FAM135B: variants seen among roughly 807,000 people sequenced by gnomAD.
FAM135B encodes protein FAM135B.
A neutral mutation model predicts 127.7 loss-of-function variants in FAM135B; 43 were observed. That is an observed-to-expected ratio of 0.34 (90% CI 0.26 to 0.43). The LOEUF (loss-of-function observed/expected upper bound fraction) is 0.43. Ranked by LOEUF, FAM135B falls within the 20% of genes least tolerant of loss-of-function variation. The pLI, the probability that FAM135B is intolerant of heterozygous loss-of-function variation, is 1.00. For synonymous variants in FAM135B, 670 were observed against 665.1 expected, an observed-to-expected ratio of 1.01 and a Z score of -0.11; for missense variants, 1,558 against 1,725.6, an observed-to-expected ratio of 0.90 and a Z score of 1.72.
intron 2 of FAM135B, among the ~76,000 whole-genome samples, chr8:138,334,457 T>C (rs1046852671): frequency 6.6e-6 from 1 of 152,204 alleles, no homozygotes; most frequent in Non-Finnish European, 1.5e-5. Flanking sequence ...ACTTGTATCA[T>C]GGGGATTTGT....
chr8:138,470,323 T>C lies in FAM135B; in HGVS notation c.-20+26348A>G, dbSNP rs145250082. ...GGTATAAAAACCATATACACCCATATACACAGACATAGATATTATATTCTC... is the reference window on the plus strand; with the variant it reads ...GGTATAAAAACCATATACACCCATACACACAGACATAGATATTATATTCTC... On this transcript the variant is annotated intron_variant, in intron 1 of 19. Transcript: ENST00000395297. Among the ~76,000 whole-genome samples, 21 of 152,314 alleles carry C rather than the reference T, an allele frequency of 1.4e-4. No individual in the cohort carries two copies. In the East Asian group the frequency reaches 4.1e-3, roughly 29 times the overall value.
chr8:138,248,832 A>AAAAAC (rs1301228874), intron 6 of FAM135B, among the ~76,000 whole-genome samples: 1 of 151,812 alleles, frequency 6.6e-6, no homozygotes, highest in Non-Finnish European at 1.5e-5. Flanking sequence ...TCAAAAAAAA[A>AAAAAC]AAAACAATAA....
chr8:138,291,383 G>T (rs1300457307), intron 3 of FAM135B, among the ~76,000 whole-genome samples: 2 of 151,988 alleles, frequency 1.3e-5, no homozygotes, highest in African/African-American at 4.8e-5. Flanking sequence ...AATGAATTTC[G>T]ATCCTTCTCA....
At chr8:138,247,645 C>T (rs1586878804) in intron 6 of FAM135B, among the ~76,000 whole-genome samples, 1 of 152,120 alleles carries the variant, frequency 6.6e-6, no homozygotes, top group Non-Finnish European at 1.5e-5. Context: ...TACACTTGCT[C>T]TCTGCCCTTT....
chr8:138,216,026 A>G (rs1818515767), intron 7 of FAM135B, among the ~76,000 whole-genome samples: 1 of 152,184 alleles, frequency 6.6e-6, no homozygotes, highest in Admixed American at 6.5e-5. Context: ...ATACCAGAAC[A>G]AACTATGTTA....
At chr8:138,395,773 A>G (rs1191461138) in intron 1 of FAM135B, among the ~76,000 whole-genome samples, 4 of 152,218 alleles carry the variant, frequency 2.6e-5, no homozygotes, top group Admixed American at 2.6e-4. Flanking sequence ...CAACTTCTCC[A>G]CTACTTAACA....
At chr8:138,383,141 G>T (rs116919405) in intron 1 of FAM135B, among the ~76,000 whole-genome samples, 2,984 of 152,276 alleles carry the variant, frequency 0.02, 45 homozygotes, top group Non-Finnish European at 0.026. Flanking sequence ...TGTCAGTGAG[G>T]TTAACGATCT....
chr8:138,261,025 T>C (rs1426622048), intron 4 of FAM135B, among the ~76,000 whole-genome samples: 1 of 152,182 alleles, frequency 6.6e-6, no homozygotes, highest in African/African-American at 2.4e-5. Context: ...TACTGCTTTT[T>C]ATGGGCCTTG....
intron 3 of FAM135B, among the ~76,000 whole-genome samples, chr8:138,292,958 T>C (rs1825221684): frequency 6.6e-6 from 1 of 152,060 alleles, no homozygotes; most frequent in Non-Finnish European, 1.5e-5. Flanking sequence ...ATCCTAAGCA[T>C]GAAGAACAAA....
rs1030339903 is a variant in FAM135B at position 138,242,873 on chromosome 8, C to T, written c.669+69G>A. 3 of 1,529,010 alleles carry T rather than the reference C, an allele frequency of 2.0e-6. No homozygotes were observed. Among genetic ancestry groups the T allele is most frequent in the Non-Finnish European group, 2.6e-6 (3 of 1,139,268 alleles). 94.7% of individuals were successfully genotyped at this position (1,529,010 alleles called of 1,614,324 possible). On this transcript the variant is annotated intron_variant, in intron 7 of 19. Coordinates refer to ENST00000395297, the MANE Select transcript of FAM135B (RefSeq NM_015912.4). This position sits in a 1 kb window ranked among gnomAD's most constrained non-coding sequence, Gnocchi z 9.6. ...GGGGATGTTTCAAAGAAGCATGAAT[C>T]TCATAGAACATACACTCTGCAAAGT...
At chr8:138,399,014 G>A (rs1832999609) in intron 1 of FAM135B, among the ~76,000 whole-genome samples, 2 of 152,136 alleles carry the variant, frequency 1.3e-5, no homozygotes, top group African/African-American at 2.4e-5. Context: ...CCTTGCTTAT[G>A]CAAAATTAGC....
chr8:138,299,442 G>A (rs2130834681), intron 3 of FAM135B, among the ~76,000 whole-genome samples: 1 of 152,268 alleles, frequency 6.6e-6, no homozygotes, highest in South Asian at 2.1e-4. Flanking sequence ...AACTCCACCA[G>A]AACTGACACC....
chr8:138,275,327 C>T (rs1026910510), intron 3 of FAM135B, among the ~76,000 whole-genome samples: 1 of 152,132 alleles, frequency 6.6e-6, no homozygotes, highest in Non-Finnish European at 1.5e-5. Flanking sequence ...CTCAATATTG[C>T]ATACTGAAAA....
chr8:138,236,955 T>C (rs1820322993), intron 7 of FAM135B, among the ~76,000 whole-genome samples: 1 of 152,108 alleles, frequency 6.6e-6, no homozygotes, highest in African/African-American at 2.4e-5. Context: ...TGAGCACATG[T>C]ACTAAAGCCT....
chr8:138,236,224 G>A (rs1205380799), intron 7 of FAM135B, among the ~76,000 whole-genome samples: 1 of 152,168 alleles, frequency 6.6e-6, no homozygotes. Context: ...CCCTGCTCTG[G>A]TGGAGCTTAG....
At chr8:138,134,285 T>C (rs566070875) in intron 19 of FAM135B, among the ~76,000 whole-genome samples, 1 of 152,306 alleles carries the variant, frequency 6.6e-6, no homozygotes, top group East Asian at 1.9e-4. Flanking sequence ...ACAAGAATAA[T>C]GAATAAATGT....
intron 1 of FAM135B, among the ~76,000 whole-genome samples, chr8:138,454,044 A>T (rs1365747935): frequency 6.6e-6 from 1 of 152,128 alleles, no homozygotes; most frequent in Non-Finnish European, 1.5e-5. Context: ...ACTGACTCCC[A>T]GGACCAGGTG....
At chr8:138,452,394 T>G (rs1334818705) in intron 1 of FAM135B, among the ~76,000 whole-genome samples, 1 of 152,104 alleles carries the variant, frequency 6.6e-6, no homozygotes, top group Admixed American at 6.5e-5. Flanking sequence ...GTGCTGGGAT[T>G]ACAGGCATGA....
chr8:138,187,326 G>C (rs943862977), intron 9 of FAM135B, among the ~76,000 whole-genome samples: 4 of 152,196 alleles, frequency 2.6e-5, no homozygotes, highest in Admixed American at 2.0e-4. Context: ...ATGAAGCCAG[G>C]CTCCCTCCCT....
Sources: allele counts gnomAD v4.1 joint callset (sites outside exome capture counted in the v4.1 genomes callset), GRCh38; gene constraint gnomAD v4.1.1; non-coding constraint Gnocchi (gnomAD v3.1); transcripts MANE v1.5; gene names NCBI Gene and HGNC (gene_info 2026-07-23, HGNC 2026-07-21).